COLEC12: variants seen among roughly 807,000 people sequenced by gnomAD.
COLEC12 encodes collectin subfamily member 12.
A neutral mutation model predicts 71.1 loss-of-function variants in COLEC12; 33 were observed. The observed-to-expected ratio is 0.46, with a 90% CI of 0.35 to 0.62. The LOEUF is 0.62. Ranked by LOEUF, COLEC12 falls within the 20% of genes least tolerant of loss-of-function variation. The pLI is 0.00. For missense variants in COLEC12, 765 were observed against 916.1 expected, an observed-to-expected ratio of 0.84 and a Z score of 2.13; for synonymous variants, 350 against 353.0, an observed-to-expected ratio of 0.99 and a Z score of 0.10.
intron 2 of COLEC12, among the ~76,000 whole-genome samples, chr18:391,397 G>T (rs1342915109): frequency 6.6e-6 from 1 of 152,198 alleles, no homozygotes; most frequent in Non-Finnish European, 1.5e-5. Flanking sequence ...GCAAATAATT[G>T]CATCAAAGTG....
chr18:417,600 TGGGCAGGAAG>T (rs1916013162), intron 2 of COLEC12, among the ~76,000 whole-genome samples: 1 of 152,100 alleles, frequency 6.6e-6, no homozygotes, highest in South Asian at 2.1e-4. Flanking sequence ...CCCTACCTTC[TGGGCAGGAAG>T]GGGCAGGAAG....
chr18:338,832 G>T (rs989442569), intron 5 of COLEC12, among the ~76,000 whole-genome samples: 1 of 152,198 alleles, frequency 6.6e-6, no homozygotes, highest in African/African-American at 2.4e-5. Context: ...TCTAGTGTAT[G>T]TGGAGTAACT....
rs914842429 is a variant in COLEC12, at chr18:362,069, T to C, written c.59-4547A>G. On this transcript the variant is annotated intron_variant, in intron 2 of 9. Transcript: ENST00000400256. This position sits in a 1 kb window ranked among gnomAD's most constrained non-coding sequence, Gnocchi z 4.6. ...GGGAAGCAGGATCAGAAGCCACAGG[T>C]CCTGACTCCAGCACACTCATCTTTC... Among the ~76,000 whole-genome samples the C allele has an allele frequency of 6.6e-6, 1 of 152,038 alleles. No individual in the cohort carries two copies. The highest frequency in any genetic ancestry group is 2.4e-5 in the African/African-American group (1 of 41,386).
chr18:487,532 T>G (rs1917542136), intron 1 of COLEC12, among the ~76,000 whole-genome samples: 1 of 152,162 alleles, frequency 6.6e-6, no homozygotes, highest in East Asian at 1.9e-4. Context: ...TGCCCCTCCC[T>G]AACCACAGCA....
chr18:329,775 T>A (rs1287707715), intron 8 of COLEC12, among the ~76,000 whole-genome samples: 1 of 152,232 alleles, frequency 6.6e-6, no homozygotes, highest in African/African-American at 2.4e-5. Context: ...CACATGTTTA[T>A]TTTTTATAAA....
At chr18:378,783 C>T (rs1015465522) in intron 2 of COLEC12, among the ~76,000 whole-genome samples, 4 of 152,160 alleles carry the variant, frequency 2.6e-5, no homozygotes, top group African/African-American at 9.7e-5. Context: ...TTTATTTCCC[C>T]TTTTCCTTTC....
Position 408,839 on chromosome 18 carries a change from T to C in COLEC12, c.59-51317A>G, listed in dbSNP as rs1032060527. 6.6e-6 allele frequency among the ~76,000 whole-genome samples: 1 copy of C among 152,176 alleles called. No homozygotes were observed. The highest frequency in any genetic ancestry group is 1.5e-5 in the Non-Finnish European group (1 of 68,034). ...ATACTTATTTAATTTTTAATTTTTA[T>C]TTTTTATTTTTTTGAGATAGTCTTG... is the stretch of plus-strand genomic sequence containing the variant. On this transcript the variant is annotated intron_variant, in intron 2 of 9. Transcript: ENST00000400256. The surrounding 1 kb of genome is among the most constrained non-coding windows in gnomAD (Gnocchi z 4.3).
At chr18:447,194 A>G (rs907600311) in intron 2 of COLEC12, among the ~76,000 whole-genome samples, 2 of 152,234 alleles carry the variant, frequency 1.3e-5, no homozygotes, top group African/African-American at 2.4e-5. Flanking sequence ...CCCTTTGTTA[A>G]CCAACAAAAA....
intron 3 of COLEC12, among the ~76,000 whole-genome samples, chr18:350,532 T>G (rs1914490757): frequency 6.6e-6 from 1 of 152,274 alleles, no homozygotes; most frequent in East Asian, 1.9e-4. Flanking sequence ...TTCTAAAATG[T>G]TAAATAAGAG....
intron 2 of COLEC12, among the ~76,000 whole-genome samples, chr18:409,628 T>A (rs72861858): frequency 0.052 from 7,936 of 152,314 alleles, 368 homozygotes; most frequent in African/African-American, 0.12. Flanking sequence ...TTATTCATCA[T>A]TGAAAATCAG....
chr18:495,375 C>T (rs1468772130), intron 1 of COLEC12, among the ~76,000 whole-genome samples: 1 of 152,210 alleles, frequency 6.6e-6, no homozygotes, highest in African/African-American at 2.4e-5. Flanking sequence ...TGGTTACAGT[C>T]TGTTCATGAA....
chr18:334,609 C>G (rs998012735), intron 6 of COLEC12, 133 bp downstream of exon 6: 102 of 726,472 alleles, frequency 1.4e-4, no homozygotes, highest in Admixed American at 1.1e-3. Context: ...GCCTGGGCAA[C>G]AGAGTGAGAC....
intron 2 of COLEC12, among the ~76,000 whole-genome samples, chr18:475,428 G>A (rs940548017): frequency 2.0e-5 from 3 of 152,096 alleles, no homozygotes; most frequent in African/African-American, 7.2e-5. Flanking sequence ...CCTTGTTGTC[G>A]GAGATAGATG....
intron 2 of COLEC12, among the ~76,000 whole-genome samples, chr18:442,347 C>T (rs924716888): frequency 3.9e-5 from 6 of 152,216 alleles, no homozygotes; most frequent in African/African-American, 1.4e-4. Context: ...CCCAAGCCTG[C>T]CTCTGGGACT....
intron 2 of COLEC12, among the ~76,000 whole-genome samples, chr18:440,986 C>A (rs756823113): frequency 1.3e-5 from 2 of 152,024 alleles, no homozygotes; most frequent in Non-Finnish European, 2.9e-5. Context: ...TGGTGGCTCA[C>A]GCCTGTAATC....
chr18:406,280 C>T (rs1297292011), intron 2 of COLEC12, among the ~76,000 whole-genome samples: 4 of 152,002 alleles, frequency 2.6e-5, no homozygotes, highest in Admixed American at 6.5e-5. Flanking sequence ...GAGGCCGAGG[C>T]GGGTGGATCA....
intron 5 of COLEC12, among the ~76,000 whole-genome samples, chr18:337,994 C>G (rs750948502): frequency 1.3e-5 from 2 of 152,196 alleles, no homozygotes; most frequent in Non-Finnish European, 2.9e-5. Flanking sequence ...TCATTCCACT[C>G]TGACTTTTGT....
chr18:422,287 T>C (rs1174951248), intron 2 of COLEC12, among the ~76,000 whole-genome samples: 4 of 152,196 alleles, frequency 2.6e-5, no homozygotes, highest in Non-Finnish European at 5.9e-5. Flanking sequence ...AAAGTATTCC[T>C]TTATTTCCGA....
intron 2 of COLEC12, among the ~76,000 whole-genome samples, chr18:430,744 G>A (rs970517781): frequency 1.3e-5 from 2 of 152,078 alleles, no homozygotes; most frequent in Non-Finnish European, 1.5e-5. Flanking sequence ...CCAATGAAGA[G>A]GGAAACCATT....
Sources: gnomAD v4.1 joint callset for allele counts (sites outside exome capture counted in the v4.1 genomes callset) on GRCh38, gnomAD v4.1.1 for gene constraint, Gnocchi (gnomAD v3.1) non-coding constraint, MANE v1.5 for transcripts, NCBI Gene and HGNC (gene_info 2026-07-23, HGNC 2026-07-21) for gene names.